ACSM3: variants seen among roughly 807,000 people sequenced by gnomAD.
ACSM3 encodes acyl-CoA synthetase medium chain family member 3.
A neutral mutation model predicts 74.1 loss-of-function variants in ACSM3; 61 were observed. The observed-to-expected ratio is 0.82, with a 90% CI of 0.67 to 1.02. The LOEUF (loss-of-function observed/expected upper bound fraction) is 1.02. Ranked by LOEUF, ACSM3 falls within the 50% of genes least tolerant of loss-of-function variation. ACSM3 has a pLI of 0.00. For missense variants in ACSM3, 660 were observed against 697.0 expected (o/e 0.95, Z 0.60); for synonymous variants, 213 against 241.5 (o/e 0.88, Z 1.09).
intron 1 of ACSM3, among the ~76,000 whole-genome samples, chr16:20,695,807 A>C (rs2079687022): frequency 6.6e-6 from 1 of 152,112 alleles, no homozygotes; most frequent in Non-Finnish European, 1.5e-5. Context: ...GTTAAGCTTC[A>C]TTTCTAAATC....
intron 1 of ACSM3, chr16:20,764,580 AG>A (rs1438088000): frequency 6.6e-6 from 1 of 152,134 alleles, no homozygotes; most frequent in Non-Finnish European, 1.5e-5. Flanking sequence ...AAAATTAGCC[AG>A]GTGTGGTGGC....
intron 1 of ACSM3, among the ~76,000 whole-genome samples, chr16:20,724,361 G>C (rs1407851845): frequency 6.6e-6 from 1 of 152,140 alleles, no homozygotes; most frequent in African/African-American, 2.4e-5. Flanking sequence ...AATAAATTAG[G>C]TATTGATGGG....
At chr16:20,685,842 A>AAC (rs2079543586) in intron 1 of ACSM3, among the ~76,000 whole-genome samples, 2 of 123,632 alleles carry the variant, frequency 1.6e-5, no homozygotes, top group Non-Finnish European at 3.8e-5. Flanking sequence ...CAAACAAAAA[A>AAC]AAAACAAAAA....
intron 1 of ACSM3, among the ~76,000 whole-genome samples, chr16:20,683,859 C>T (rs1434559207): frequency 2.6e-5 from 4 of 152,102 alleles, no homozygotes; most frequent in Non-Finnish European, 4.4e-5. Flanking sequence ...TAAGCCACCA[C>T]CCAGGCCAAG....
intron 3 of ACSM3, among the ~76,000 whole-genome samples, chr16:20,758,600 T>C (rs2080050642): frequency 6.6e-6 from 1 of 152,232 alleles, no homozygotes; most frequent in Non-Finnish European, 1.5e-5. Flanking sequence ...TTCATTAATT[T>C]TTTGAAGGGT....
At chr16:20,762,958 A>G (rs2080089675), upstream of ACSM3, among the ~76,000 whole-genome samples, 1 of 152,252 alleles carries the variant, frequency 6.6e-6, no homozygotes, top group Admixed American at 6.5e-5. Flanking sequence ...ACGCATATAG[A>G]TCTGAAAGAA....
At position 20,690,857 on chromosome 16, in the gene ACSM3, T is replaced by C; in HGVS notation, c.-190+16035T>C. Reference sequence around the variant, plus strand: ...AATGGCCAGGCTGGGAATAGAACCTTGAAATATAAGCTTCTTCCACAACAC... The same window carrying C: ...AATGGCCAGGCTGGGAATAGAACCTCGAAATATAAGCTTCTTCCACAACAC... On this transcript the variant is annotated intron_variant, in intron 1 of 3. Coordinates refer to the ACSM3 transcript ENST00000561584. The C allele has an allele frequency of 5.1e-6, 4 of 783,292 alleles. No individual in the cohort carries two copies. In the East Asian group the frequency reaches 1.2e-4, roughly 24 times the overall value. The allele number at this position is 783,292 out of a possible 1,614,324, so 48.5% of individuals were successfully genotyped here. A position where few individuals can be genotyped will look rare whatever the true frequency, so the allele number is the denominator to read the frequency against.
chr16:20,787,925 C>T (rs958278092), intron 9 of ACSM3, among the ~76,000 whole-genome samples: 1 of 152,190 alleles, frequency 6.6e-6, no homozygotes, highest in East Asian at 1.9e-4. Context: ...CCCCTCACCA[C>T]TTCAGTCTCA....
intron 2 of ACSM3, among the ~76,000 whole-genome samples, chr16:20,752,905 T>C (rs2079999339): frequency 6.6e-6 from 1 of 152,210 alleles, no homozygotes; most frequent in Admixed American, 6.5e-5. Context: ...GGATCTATCC[T>C]CTAGATTTAA....
chr16:20,691,487 A>G (rs1184244359), intron 1 of ACSM3, among the ~76,000 whole-genome samples: 2 of 152,064 alleles, frequency 1.3e-5, no homozygotes, highest in South Asian at 2.1e-4. Context: ...TTCTCCTTCA[A>G]CCTGCTAAGA....
chr16:20,796,779 ACTAT>A, intron 13 of ACSM3, 103 bp from the exon 14 acceptor site: 1 of 1,547,898 alleles, frequency 6.5e-7, no homozygotes, highest in Non-Finnish European at 8.7e-7. Flanking sequence ...CATTCCAAAG[ACTAT>A]TCTAATTCTT....
At chr16:20,765,639 C>T (rs769285471) in intron 1 of ACSM3, among the ~76,000 whole-genome samples, 1 of 152,128 alleles carries the variant, frequency 6.6e-6, no homozygotes, top group Non-Finnish European at 1.5e-5. Flanking sequence ...CAAGACCAGC[C>T]GTGTCTTGTT....
rs144271108 is a variant in ACSM3, at chr16:20,718,424, C to T, written c.-189-31486C>T. 3.3e-5 allele frequency: 24 copies of T among 731,696 alleles called. No homozygotes were observed. The East Asian group carries it at 3.9e-4, about 12-fold the overall frequency. 45.3% of individuals were successfully genotyped at this position (731,696 alleles called of 1,614,324 possible). The stretch of plus-strand genomic sequence containing the variant: ...GTGGCCATTTATTTCACCAGTGGGA[C>T]GACAGGCTCTCCTAAGATGGCCCAG... On this transcript the variant is annotated intron_variant, in intron 1 of 3. Transcript: ENST00000561584.
chr16:20,706,793 T>G (rs1028723247), intron 1 of ACSM3, among the ~76,000 whole-genome samples: 8 of 152,136 alleles, frequency 5.3e-5, no homozygotes, highest in Non-Finnish European at 1.0e-4. Flanking sequence ...AACAACCATC[T>G]AACTCAACTC....
At chr16:20,685,259 G>T (rs767544244) in intron 1 of ACSM3, 12 of 1,614,180 alleles carry the variant, frequency 7.4e-6, no homozygotes, top group Non-Finnish European at 1.0e-5. Flanking sequence ...AAGGCCAGAT[G>T]GTCTCCCTGT....
intron 3 of ACSM3, among the ~76,000 whole-genome samples, chr16:20,755,903 G>A (rs1014973314): frequency 2.6e-5 from 4 of 151,024 alleles, no homozygotes; most frequent in South Asian, 4.2e-4. Flanking sequence ...TTGTCCTTGC[G>A]ATAGTTTACT....
At chr16:20,686,999 TC>T (rs1349006744) in intron 1 of ACSM3, among the ~76,000 whole-genome samples, 1 of 142,612 alleles carries the variant, frequency 7.0e-6, no homozygotes, top group African/African-American at 2.6e-5. Context: ...TTTTTTTTGG[TC>T]ACCATTGCCC....
intron 1 of ACSM3, among the ~76,000 whole-genome samples, chr16:20,687,862 T>C (rs1025876273): frequency 3.3e-5 from 5 of 152,080 alleles, no homozygotes; most frequent in African/African-American, 9.7e-5. Context: ...GGCTACCGGA[T>C]CACTTGAGGT....
chr16:20,796,159 G>C, intron 12 of ACSM3: 1 of 706,722 alleles, frequency 1.4e-6, no homozygotes, highest in African/African-American at 1.8e-5. Context: ...GCTGGATGAG[G>C]CTGGGTTGTT....
Sources: gnomAD v4.1 joint callset for allele counts (sites outside exome capture counted in the v4.1 genomes callset) on GRCh38, gnomAD v4.1.1 for gene constraint, MANE v1.5 for transcripts, NCBI Gene and HGNC (gene_info 2026-07-23, HGNC 2026-07-21) for gene names.